The following PLXDC2 variants were observed in gnomAD, a reference collection of about 807,000 sequenced individuals.
PLXDC2 encodes plexin domain-containing protein 2.
In PLXDC2, 40 loss-of-function variants were observed where a neutral mutation model predicts 68.9. That is an observed-to-expected ratio of 0.58 (90% CI 0.45 to 0.76). The LOEUF (loss-of-function observed/expected upper bound fraction) is 0.76. Among genes scored for constraint, PLXDC2 ranks in the 30% least tolerant of loss-of-function variants. The pLI is 0.00. For missense variants in PLXDC2, 644 were observed against 661.9 expected (o/e 0.97, Z 0.30); for synonymous variants, 243 against 234.2 (o/e 1.04, Z -0.34).
intron 1 of PLXDC2, among the ~76,000 whole-genome samples, chr10:19,898,644 G>T (rs761039154): frequency 6.6e-6 from 1 of 152,042 alleles, no homozygotes; most frequent in Non-Finnish European, 1.5e-5. Context: ...TCTATTTGTC[G>T]GGGAAGCAGA....
rs532878200 is a variant in PLXDC2 at position 19,956,367 on chromosome 10, C to T, written c.113-45408C>T. On this transcript the variant is annotated intron_variant, in intron 1 of 13. Transcript: ENST00000377252. ...TATTGACTGCATGTTAAAATGAAAACATTTTGGATCTGACAGGTTTACTGG... is the reference window on the plus strand; with the variant it reads ...TATTGACTGCATGTTAAAATGAAAATATTTTGGATCTGACAGGTTTACTGG... Among the ~76,000 whole-genome samples, 11 of 152,202 alleles carry T rather than the reference C, an allele frequency of 7.2e-5. No homozygotes were observed. In the South Asian group the frequency reaches 2.3e-3, roughly 32 times the overall value.
intron 12 of PLXDC2, among the ~76,000 whole-genome samples, chr10:20,240,391 G>A (rs1230303171): frequency 6.6e-6 from 1 of 152,110 alleles, no homozygotes; most frequent in Non-Finnish European, 1.5e-5. Flanking sequence ...TGCTGTAATG[G>A]ACATAATGTG....
At chr10:19,883,662 T>A (rs760233431) in intron 1 of PLXDC2, among the ~76,000 whole-genome samples, 1 of 151,978 alleles carries the variant, frequency 6.6e-6, no homozygotes. Context: ...TTGGCTGCTC[T>A]TTTCATGCTG....
intron 4 of PLXDC2, among the ~76,000 whole-genome samples, chr10:20,100,860 C>G (rs1045257866): frequency 3.3e-5 from 5 of 150,832 alleles, no homozygotes; most frequent in Admixed American, 2.0e-4. Context: ...GTATTAGCAG[C>G]CCTAATCATA....
chr10:20,270,942 TAAAAAAAA>T (rs34934677), intron 13 of PLXDC2, among the ~76,000 whole-genome samples: 3,692 of 140,228 alleles, frequency 0.026, 140 homozygotes, highest in African/African-American at 0.095. Context: ...TTGGGTATCT[TAAAAAAAA>T]AAAACTGGAA....
At chr10:20,133,266 T>C (rs11011821) in intron 4 of PLXDC2, among the ~76,000 whole-genome samples, 3 of 152,190 alleles carry the variant, frequency 2.0e-5, no homozygotes, top group African/African-American at 7.2e-5. Flanking sequence ...TAAGAATAGC[T>C]GAGTGTGATT....
intron 12 of PLXDC2, among the ~76,000 whole-genome samples, chr10:20,238,655 CA>C (rs771913862): frequency 1.2e-5 from 1 of 82,782 alleles, no homozygotes; most frequent in African/African-American, 5.6e-5. Flanking sequence ...GACTCCATCT[CA>C]AAAAAAATAT....
chr10:19,858,280 C>G (rs1351261407), intron 1 of PLXDC2, among the ~76,000 whole-genome samples: 1 of 152,184 alleles, frequency 6.6e-6, no homozygotes, highest in East Asian at 1.9e-4. Context: ...GGAACCTGCA[C>G]CATGCAGCTA....
chr10:20,001,825 G>C lies in PLXDC2; in HGVS notation c.163G>C (p.Glu55Gln). The C allele has an allele frequency of 3.1e-6, 5 of 1,614,058 alleles. No individual in the cohort carries two copies. Among genetic ancestry groups the C allele is most frequent in the Non-Finnish European group, 4.2e-6 (5 of 1,180,006 alleles). ...CTTCCCTCACACAGAGGAGGAGGTG[G>C]AAGTTGATTCACACGCGTACAGCCA... The part of the protein sequence containing the change: ...QAFPHTEEEV[E>Q]VDSHAYSHRW... The change falls in exon 2 of 14, where the codon GAA (glutamate) becomes CAA (glutamine). Residue 55 changes from glutamate to glutamine, a missense_variant. Transcript: ENST00000377252.
chr10:19,875,707 T>A (rs947982212), intron 1 of PLXDC2, among the ~76,000 whole-genome samples: 3 of 152,180 alleles, frequency 2.0e-5, no homozygotes, highest in Non-Finnish European at 2.9e-5. Flanking sequence ...GAAATGGAAA[T>A]CCAAAATGTG....
At chr10:20,060,606 C>G (rs10827939) in intron 3 of PLXDC2, among the ~76,000 whole-genome samples, 129,792 of 152,054 alleles carry the variant, frequency 0.85, 55,646 homozygotes, top group African/African-American at 0.92. Flanking sequence ...GCCCAGCTTG[C>G]TGCTCTGTTA....
intron 6 of PLXDC2, among the ~76,000 whole-genome samples, chr10:20,158,372 A>G (rs1834244475): frequency 6.6e-6 from 1 of 152,014 alleles, no homozygotes; most frequent in Non-Finnish European, 1.5e-5. Context: ...AAATAGCTAT[A>G]CTTCTAAATA....
chr10:19,877,877 G>A (rs1280255798), intron 1 of PLXDC2, among the ~76,000 whole-genome samples: 2 of 152,260 alleles, frequency 1.3e-5, no homozygotes, highest in East Asian at 1.9e-4. Context: ...CCTCAACATG[G>A]GTTTTGCATC....
At position 20,200,543 on chromosome 10, in the gene PLXDC2, G is replaced by T. The variant is rs111874955; in HGVS notation, c.1062-11126G>T. On this transcript the variant is annotated intron_variant, in intron 9 of 13. Transcript: ENST00000377252. The stretch of plus-strand genomic sequence containing the variant: ...AAAACAAACATAAACAATTGGCATT[G>T]CAACAAACGAAAAAGCTTCTCCACA... 3.1e-3 allele frequency among the ~76,000 whole-genome samples: 465 copies of T among 151,976 alleles called. 1 individual carries two copies. Among genetic ancestry groups the T allele is most frequent in the African/African-American group, 0.011 (443 of 41,472 alleles).
chr10:20,255,588 C>T (rs1835732675), intron 13 of PLXDC2, among the ~76,000 whole-genome samples: 1 of 152,038 alleles, frequency 6.6e-6, no homozygotes, highest in African/African-American at 2.4e-5. Context: ...TCCACCAATT[C>T]CTTTTAGTGT....
chr10:20,197,129 A>T (rs551330765), intron 9 of PLXDC2, among the ~76,000 whole-genome samples: 1 of 152,158 alleles, frequency 6.6e-6, no homozygotes, highest in Non-Finnish European at 1.5e-5. Context: ...AGTCACTTTT[A>T]ATTATAGATG....
At chr10:20,036,087 G>A (rs114636953) in intron 2 of PLXDC2, among the ~76,000 whole-genome samples, 2,688 of 152,104 alleles carry the variant, frequency 0.018, 75 homozygotes, top group African/African-American at 0.061. Flanking sequence ...TGGCATCTGG[G>A]GCTTTTTTAT....
At chr10:20,020,466 G>C (rs904635331) in intron 2 of PLXDC2, among the ~76,000 whole-genome samples, 3 of 151,720 alleles carry the variant, frequency 2.0e-5, no homozygotes, top group Admixed American at 1.3e-4. Flanking sequence ...AGACTATACA[G>C]TTTCTCTTTC....
chr10:19,887,451 G>A (rs572184110), intron 1 of PLXDC2, among the ~76,000 whole-genome samples: 1 of 152,130 alleles, frequency 6.6e-6, no homozygotes, highest in African/African-American at 2.4e-5. Context: ...GAACCCAGGA[G>A]GCAGAGGTTG....
Sources: gnomAD v4.1 joint callset for allele counts (sites outside exome capture counted in the v4.1 genomes callset) on GRCh38, gnomAD v4.1.1 for gene constraint, MANE v1.5 for transcripts, NCBI Gene and HGNC (gene_info 2026-07-23, HGNC 2026-07-21) for gene names.